Variants in ZNF578 observed in about 807,000 individuals in gnomAD.
ZNF578 encodes the protein Putative chemokine-related protein B42.
ZNF578 carries 8 observed loss-of-function variants against 8.3 expected under a neutral mutation model. The observed-to-expected ratio is 0.96, with a 90% CI of 0.56 to 1.74. The LOEUF (loss-of-function observed/expected upper bound fraction) is 1.74, where lower values mean the gene tolerates loss of function less well. Ranked by LOEUF, ZNF578 falls within the 40% of genes most tolerant of loss-of-function variation. ZNF578 has a pLI of 0.00. For missense variants in ZNF578, 726 were observed against 707.5 expected, an observed-to-expected ratio of 1.03 and a Z score of -0.30; for synonymous variants, 206 against 232.2, an observed-to-expected ratio of 0.89 and a Z score of 1.03.
intron 4 of ZNF578, 89 bp from the exon 5 acceptor site, chr19:52,504,566 G>A (rs1240582146): frequency 5.6e-6 from 9 of 1,594,940 alleles, no homozygotes; most frequent in Non-Finnish European, 7.7e-6. Flanking sequence ...TTTGATCAAA[G>A]AAATACTTAT....
chr19:52,472,753 C>G (rs1345427730), intron 2 of ZNF578, among the ~76,000 whole-genome samples: 1 of 152,160 alleles, frequency 6.6e-6, no homozygotes, highest in African/African-American at 2.4e-5. Flanking sequence ...TTACATTATT[C>G]TCTGCTCACC....
chr19:52,515,554 G>GAC lies in ZNF578; in HGVS notation c.*3403_*3404dup, dbSNP rs1555758178. ...TTCCAGGACCCCATGTAAGACTTTAGACACCTTCTCACTCATCTCAGACCT... is the reference window on the plus strand; with the variant it reads ...TTCCAGGACCCCATGTAAGACTTTAGACACACCTTCTCACTCATCTCAGACCT... On this transcript the variant is annotated 3_prime_UTR_variant, in exon 6 of 6. Coordinates refer to ENST00000421239, the MANE Select transcript of ZNF578 (RefSeq NM_001099694.2). Among the ~76,000 whole-genome samples, 2 of 152,084 alleles carry GAC rather than the reference G, an allele frequency of 1.3e-5. No homozygotes were observed. The highest frequency in any genetic ancestry group is 1.3e-4 in the Admixed American group (2 of 15,266).
chr19:52,507,462 G>A lies in ZNF578; in HGVS notation c.190+2681G>A, dbSNP rs1438116959. On this transcript the variant is annotated intron_variant, in intron 5 of 5. Transcript: ENST00000421239. ...AGTCCCAGCTACTCACGAGGCTGAG[G>A]CACGAGACTCTCTTTAGGTAGGAGA... Among the ~76,000 whole-genome samples, 3 of 152,120 alleles carry A rather than the reference G, an allele frequency of 2.0e-5. No individual in the cohort carries two copies. In the South Asian group the frequency reaches 6.2e-4, roughly 31 times the overall value.
intron 5 of ZNF578, among the ~76,000 whole-genome samples, chr19:52,506,989 A>T (rs959567316): frequency 2.0e-5 from 3 of 152,166 alleles, no homozygotes; most frequent in African/African-American, 7.2e-5. Context: ...GCAGTGGCTT[A>T]TGCCTCTATT....
chr19:52,513,264 C>T lies in ZNF578; in HGVS notation c.*1110C>T, dbSNP rs1470361562. On this transcript the variant is annotated 3_prime_UTR_variant, in exon 6 of 6. Transcript: ENST00000421239. Reference sequence around the variant, plus strand: ...CTCAAACTCCCGATCTCAGGTGATCCGCCCACCTCAGCCTCCCAAAGTGAT... The same window carrying T: ...CTCAAACTCCCGATCTCAGGTGATCTGCCCACCTCAGCCTCCCAAAGTGAT... Among the ~76,000 whole-genome samples, 9 of 151,782 alleles carry T rather than the reference C, an allele frequency of 5.9e-5. No homozygotes were observed. The highest frequency in any genetic ancestry group is 1.4e-4 in the African/African-American group (6 of 41,396).
intron 2 of ZNF578, among the ~76,000 whole-genome samples, chr19:52,462,923 C>T (rs1334238159): frequency 6.6e-6 from 1 of 152,144 alleles, no homozygotes; most frequent in Non-Finnish European, 1.5e-5. Flanking sequence ...GTCCTTCCAC[C>T]ACACAGGTTT....
At position 52,474,711 on chromosome 19, in the gene ZNF578, T is replaced by C. The variant is rs2059302575; in HGVS notation, c.-121-16613T>C. On this transcript the variant is annotated intron_variant, in intron 2 of 5. Coordinates refer to ENST00000421239, the MANE Select transcript of ZNF578 (RefSeq NM_001099694.2). ...ACTCATACCTGAAGACTTTGCCAAA[T>C]TTTTTTACATTTGTAAGGTTCTCTC... The C allele has an allele frequency of 2.6e-5, 6 of 231,210 alleles. No homozygotes were observed. In the South Asian group the frequency reaches 3.5e-4, roughly 13 times the overall value. The allele number at this position is 231,210 out of a possible 1,614,324, so 14.3% of individuals were successfully genotyped here.
At chr19:52,459,717 G>GTGTATATATA (rs201576049) in intron 2 of ZNF578, among the ~76,000 whole-genome samples, 7 of 5,900 alleles carry the variant, frequency 1.2e-3, no homozygotes, top group African/African-American at 2.9e-3. Flanking sequence ...GTAGATATGT[G>GTGTATATATA]TGTGTGTGTG....
intron 2 of ZNF578, among the ~76,000 whole-genome samples, chr19:52,465,837 A>G (rs2059273200): frequency 6.6e-6 from 1 of 152,198 alleles, no homozygotes; most frequent in Admixed American, 6.5e-5. Flanking sequence ...TTTCATCCTC[A>G]GGAGTCCTCC....
intron 3 of ZNF578, among the ~76,000 whole-genome samples, chr19:52,496,581 A>T (rs1464493669): frequency 6.8e-6 from 1 of 146,882 alleles, no homozygotes; most frequent in Non-Finnish European, 1.5e-5. Context: ...CGCCCGCCTC[A>T]GCCTCCCAAA....
intron 2 of ZNF578, among the ~76,000 whole-genome samples, chr19:52,480,319 T>G (rs2059321753): frequency 6.6e-6 from 1 of 152,182 alleles, no homozygotes. Flanking sequence ...TCTGGGTAAT[T>G]GCAAGTGAAT....
chr19:52,470,875 C>A (rs976927753), intron 2 of ZNF578, among the ~76,000 whole-genome samples: 11 of 152,148 alleles, frequency 7.2e-5, no homozygotes, highest in African/African-American at 2.4e-4. Flanking sequence ...TCATGTTGAA[C>A]TGTAATCCCC....
chr19:52,505,184 G>T (rs2059421341), intron 5 of ZNF578, among the ~76,000 whole-genome samples: 1 of 152,138 alleles, frequency 6.6e-6, no homozygotes, highest in African/African-American at 2.4e-5. Context: ...ACCATGCCCA[G>T]CTCATTCTGG....
chr19:52,479,003 C>T (rs543390377), intron 2 of ZNF578, among the ~76,000 whole-genome samples: 6 of 151,528 alleles, frequency 4.0e-5, no homozygotes, highest in South Asian at 2.1e-4. Flanking sequence ...CATGAGCCAC[C>T]GCGCCCGGCT....
intron 3 of ZNF578, among the ~76,000 whole-genome samples, chr19:52,500,214 A>G (rs191213759): frequency 8.5e-5 from 13 of 152,242 alleles, no homozygotes; most frequent in African/African-American, 2.6e-4. Context: ...ATTTTGCCCA[A>G]GGTGGTCGGC....
chr19:52,472,937 G>A (rs527373810), intron 2 of ZNF578, among the ~76,000 whole-genome samples: 1 of 152,220 alleles, frequency 6.6e-6, no homozygotes, highest in East Asian at 1.9e-4. Context: ...AACATATTTT[G>A]TTGTATAATA....
At chr19:52,497,743 C>G (rs144383219) in intron 3 of ZNF578, among the ~76,000 whole-genome samples, 43 of 152,280 alleles carry the variant, frequency 2.8e-4, no homozygotes, top group Non-Finnish European at 7.3e-5. Flanking sequence ...ATAATGATAT[C>G]AAGGACCTTT....
intron 2 of ZNF578, among the ~76,000 whole-genome samples, chr19:52,463,771 G>A (rs553549806): frequency 6.6e-6 from 1 of 152,238 alleles, no homozygotes; most frequent in East Asian, 1.9e-4. Context: ...TGTTTGGGCT[G>A]AGGAAAAGTT....
chr19:52,506,126 C>G (rs1890098976), intron 5 of ZNF578, among the ~76,000 whole-genome samples: 1 of 152,136 alleles, frequency 6.6e-6, no homozygotes, highest in Non-Finnish European at 1.5e-5. Context: ...TTTTGATAGC[C>G]TGGCCTGACG....
Sources: gnomAD v4.1 joint callset for allele counts (sites outside exome capture counted in the v4.1 genomes callset) on GRCh38, gnomAD v4.1.1 for gene constraint, MANE v1.5 for transcripts, NCBI Gene and HGNC (gene_info 2026-07-23, HGNC 2026-07-21) for gene names.